The following THAP6 variants were observed in gnomAD, a reference collection of about 807,000 sequenced individuals.
THAP6 encodes the protein THAP domain containing 6.
A neutral mutation model predicts 20.0 loss-of-function variants in THAP6; 13 were observed. The ratio of observed to expected loss-of-function variants is 0.65; its 90% CI spans 0.42 to 1.03. THAP6 has a LOEUF of 1.03. Among genes scored for constraint, THAP6 ranks in the 50% least tolerant of loss-of-function variants. The pLI, the probability that THAP6 is intolerant of heterozygous loss-of-function variation, is 0.00. For missense variants in THAP6, 262 were observed against 261.6 expected, an observed-to-expected ratio of 1.00 and a Z score of -0.01; for synonymous variants, 93 against 92.2, an observed-to-expected ratio of 1.01 and a Z score of -0.05.
chr4:75,530,685 A>G (rs1726653732), downstream of THAP6, among the ~76,000 whole-genome samples: 1 of 152,190 alleles, frequency 6.6e-6, no homozygotes, highest in Non-Finnish European at 1.5e-5. Context: ...GGTTTTTTCC[A>G]TGTGAATGTG....
At chr4:75,520,208 CATTGTAG>C (rs1437395460) in intron 3 of THAP6, among the ~76,000 whole-genome samples, 1 of 152,018 alleles carries the variant, frequency 6.6e-6, no homozygotes, top group African/African-American at 2.4e-5. Flanking sequence ...TGTGTGAGTT[CATTGTAG>C]ATTCTGGATA....
At chr4:75,523,543 C>T (rs1726168477) in intron 4 of THAP6, among the ~76,000 whole-genome samples, 1 of 152,070 alleles carries the variant, frequency 6.6e-6, no homozygotes, top group South Asian at 2.1e-4. Flanking sequence ...ATGGCTCATG[C>T]CTGTAATCCC....
At chr4:75,520,233 T>C (rs138091977) in intron 3 of THAP6, among the ~76,000 whole-genome samples, 5,197 of 152,226 alleles carry the variant, frequency 0.034, 306 homozygotes, top group African/African-American at 0.12. Context: ...ATATTAGCCC[T>C]TTGTCAGATG....
intron 3 of THAP6, 32 bp downstream of exon 3, chr4:75,517,011 GCT>G: frequency 8.1e-7 from 1 of 1,232,756 alleles, no homozygotes; most frequent in Non-Finnish European, 1.1e-6. Context: ...TACCATCATT[GCT>G]CACTTTTTTT....
chr4:75,521,773 C>A lies in THAP6; in HGVS notation c.326C>A (p.Thr109Asn). 6.2e-7 allele frequency: 1 copy of A among 1,612,944 alleles called. No individual in the cohort carries two copies. The highest frequency in any genetic ancestry group is 8.5e-7 in the Non-Finnish European group (1 of 1,179,300). Residue 109 changes from threonine to asparagine, a missense_variant, in exon 4 of 5, where the codon ACC becomes AAC. By Grantham distance (65) the Thr-to-Asn change is moderately conservative. Transcript: ENST00000311638. ...REKLHCRKNF[T>N]LKTVPATNYN... ...AAACTTCATTGTAGAAAAAACTTCA[C>A]CCTCAAAACCGTTCCAGCCACTAAC...
upstream of THAP6, chr4:75,514,445 C>T (rs1214440691): frequency 1.1e-5 from 9 of 788,922 alleles, no homozygotes; most frequent in Non-Finnish European, 1.5e-5. Flanking sequence ...ATTTCCGGTT[C>T]CCGGGGCTAC....
At chr4:75,535,846 C>G (rs1477861654) in intron 2 of THAP6, among the ~76,000 whole-genome samples, 2 of 152,196 alleles carry the variant, frequency 1.3e-5, no homozygotes, top group African/African-American at 4.8e-5. Flanking sequence ...ATCCAGACAT[C>G]TAAAACAATG....
rs1265475191 is a variant in THAP6, at chr4:75,529,095, T to G, written c.*1881T>G. Reference sequence around the variant, plus strand: ...TTCATTAATTACCCATTATTTATTTTAGTTACTTAATTTTGAGTTCATAAA... The same window carrying G: ...TTCATTAATTACCCATTATTTATTTGAGTTACTTAATTTTGAGTTCATAAA... On this transcript the variant is annotated 3_prime_UTR_variant, in exon 5 of 5. Coordinates refer to ENST00000311638, the MANE Select transcript of THAP6 (RefSeq NM_144721.6). 15 of 968,400 alleles carry G rather than the reference T, an allele frequency of 1.5e-5. No homozygotes were observed. The highest frequency in any genetic ancestry group is 1.7e-5 in the Non-Finnish European group (14 of 814,546). The allele number at this position is 968,400 out of a possible 1,614,324, so 60.0% of individuals were successfully genotyped here. A position where few individuals can be genotyped will look rare whatever the true frequency, so the allele number is the denominator to read the frequency against.
At chr4:75,521,701 C>T (rs1440581039) in intron 3 of THAP6, 35 bp from the exon 4 acceptor site, 2 of 1,519,128 alleles carry the variant, frequency 1.3e-6, no homozygotes, top group Non-Finnish European at 8.8e-7. Flanking sequence ...ACAAAAGTAT[C>T]TCACTTGATG....
chr4:75,514,353 G>C (rs1725331814), upstream of THAP6: 2 of 1,541,186 alleles, frequency 1.3e-6, no homozygotes. Context: ...CAGAGAAGCT[G>C]CGCCTCTCTA....
At chr4:75,519,265 G>C (rs1194611623) in intron 3 of THAP6, among the ~76,000 whole-genome samples, 1 of 150,914 alleles carries the variant, frequency 6.6e-6, no homozygotes, top group Admixed American at 6.6e-5. Context: ...TAAATGTTTG[G>C]GTAGTTTTTC....
In THAP6 at chr4:75,516,958, T is replaced by A; in HGVS notation, c.267T>A (p.Phe89Leu). 6.2e-7 allele frequency: 1 copy of A among 1,613,604 alleles called. No homozygotes were observed. Among genetic ancestry groups the A allele is most frequent in the Non-Finnish European group, 8.5e-7 (1 of 1,179,706 alleles). ...AACCTGGAGTCATACCTTCTATCTT[T>A]GATTCTCCATATCACCTACAGGTTT... is the stretch of plus-strand genomic sequence containing the variant. ...KLKPGVIPSI[F>L]DSPYHLQGKR... Residue 89 changes from phenylalanine (F) to leucine (L), a missense_variant, in exon 3 of 5, where the codon TTT (phenylalanine) becomes TTA (leucine). Transcript: ENST00000311638.
At chr4:75,526,090 G>T (rs1726347686) in intron 4 of THAP6, among the ~76,000 whole-genome samples, 1 of 152,182 alleles carries the variant, frequency 6.6e-6, no homozygotes, top group Non-Finnish European at 1.5e-5. Context: ...GCTAAGCTCT[G>T]CCTGGGTTTC....
chr4:75,531,970 C>T (rs941167467), downstream of THAP6, among the ~76,000 whole-genome samples: 3 of 152,070 alleles, frequency 2.0e-5, no homozygotes, highest in African/African-American at 7.2e-5. Flanking sequence ...CAGAGCCAAA[C>T]CGTGTCATTC....
upstream of THAP6, chr4:75,514,037 C>T (rs920404804): frequency 2.2e-5 from 26 of 1,175,822 alleles, no homozygotes; most frequent in Admixed American, 7.4e-4. Context: ...TATCGCCTTG[C>T]CAAAAACGTT....
At chr4:75,538,475 G>A (rs985310213) in intron 2 of THAP6, among the ~76,000 whole-genome samples, 3 of 151,858 alleles carry the variant, frequency 2.0e-5, no homozygotes, top group African/African-American at 7.3e-5. Context: ...TACTTGTAGA[G>A]GGCCTGATTC....
rs1483466814 is a variant in THAP6 at position 75,514,531 on chromosome 4, T to A, written c.-21+11T>A. On this transcript the variant is annotated intron_variant, in intron 1 of 4. Transcript: ENST00000311638. ...TCTTCGCTGCTAACGGTAATAACTCTTAGGTTGCCTGTTTTCCCCCAATCG... is the reference window on the plus strand; with the variant it reads ...TCTTCGCTGCTAACGGTAATAACTCATAGGTTGCCTGTTTTCCCCCAATCG... 7.1e-6 allele frequency: 3 copies of A among 422,144 alleles called. No individual in the cohort carries two copies. The highest frequency in any genetic ancestry group is 4.0e-5 in the African/African-American group (2 of 50,374). 26.1% of individuals were successfully genotyped at this position (422,144 alleles called of 1,614,324 possible). A position where few individuals can be genotyped will look rare whatever the true frequency, so the allele number is the denominator to read the frequency against.
chr4:75,537,511 G>A (rs1202996926), intron 2 of THAP6, among the ~76,000 whole-genome samples: 12 of 151,932 alleles, frequency 7.9e-5, no homozygotes, highest in African/African-American at 2.2e-4. Context: ...CTTAAGATGC[G>A]ACTTTCTTCT....
Position 75,527,838 on chromosome 4 carries a change from A to G in THAP6, c.*624A>G. On this transcript the variant is annotated 3_prime_UTR_variant, in exon 5 of 5. Transcript: ENST00000311638. ...CTCATGAAGTCTCAGTTTTCAGTAC[A>G]GTACATCATTCCTCCTCACTAGGAG... 3.0e-6 allele frequency: 3 copies of G among 985,636 alleles called. No homozygotes were observed. The highest frequency in any genetic ancestry group is 3.6e-6 in the Non-Finnish European group (3 of 830,084). The allele number at this position is 985,636 out of a possible 1,614,324, so 61.1% of individuals were successfully genotyped here.
Sources: gnomAD v4.1 joint callset for allele counts (sites outside exome capture counted in the v4.1 genomes callset) on GRCh38, gnomAD v4.1.1 for gene constraint, MANE v1.5 for transcripts, NCBI Gene and HGNC (gene_info 2026-07-23, HGNC 2026-07-21) for gene names.